CEMIP: variants seen among roughly 807,000 people sequenced by gnomAD.
The protein encoded by CEMIP is cell migration inducing hyaluronidase 1.
A neutral mutation model predicts 156.9 loss-of-function variants in CEMIP; 105 were observed. That is an observed-to-expected ratio of 0.67 (90% CI 0.57 to 0.79). CEMIP has a LOEUF of 0.79. Among genes scored for constraint, CEMIP ranks in the 30% least tolerant of loss-of-function variants. CEMIP has a pLI of 0.00. For missense variants in CEMIP, 1,457 were observed against 1,769.4 expected (o/e 0.82, Z 3.17); for synonymous variants, 676 against 668.4 (o/e 1.01, Z -0.17).
Position 80,920,141 on chromosome 15 carries a change from G to A in CEMIP, c.1845G>A (p.Thr615=), listed in dbSNP as rs146974700. The A allele has an allele frequency of 3.8e-5, 61 of 1,614,082 alleles. 1 individual carries two copies. The Admixed American group carries it at 5.2e-4, about 14-fold the overall frequency. Residue 615 remains threonine (T), a synonymous_variant, in exon 15 of 30, where the codon ACG becomes ACA. Transcript: ENST00000394685. The part of the protein sequence containing the change: ...GYNSLGHCFF[T]EDGPEERNTF... Reference sequence around the variant, plus strand: ...ACTCTTTGGGCCACTGCTTCTTCACGGAAGATGGGCCGGAGGAACGCAACA... The same window carrying A: ...ACTCTTTGGGCCACTGCTTCTTCACAGAAGATGGGCCGGAGGAACGCAACA...
Position 80,906,841 on chromosome 15 carries a change from ATGTGTC to A in CEMIP, c.1587+5_1587+10del, listed in dbSNP as rs1334576890. 6.2e-7 allele frequency: 1 copy of A among 1,611,012 alleles called. No homozygotes were observed. Among genetic ancestry groups the A allele is most frequent in the Non-Finnish European group, 8.5e-7 (1 of 1,178,394 alleles). Reference sequence around the variant, plus strand: ...ATACCTTTGGGGGCCACATCAAGGTATGTGTCTCTCTGGCAGAGTCTTTCAACCCAA... The same window carrying A: ...ATACCTTTGGGGGCCACATCAAGGTATCTCTGGCAGAGTCTTTCAACCCAA... On this transcript the variant is annotated splice_donor_5th_base_variant and intron_variant, in intron 13 of 29. Coordinates refer to ENST00000394685, the MANE Select transcript of CEMIP (RefSeq NM_001293298.2). This position sits in a 1 kb window ranked among gnomAD's most constrained non-coding sequence, Gnocchi z 4.3.
intron 1 of CEMIP, among the ~76,000 whole-genome samples, chr15:80,821,504 G>T (rs1486947018): frequency 6.6e-6 from 1 of 152,164 alleles, no homozygotes; most frequent in African/African-American, 2.4e-5. Flanking sequence ...CGGCAGGGAG[G>T]CTTTTTCCAT....
At chr15:80,900,650 CTG>C (rs1899479196) in intron 12 of CEMIP, among the ~76,000 whole-genome samples, 3 of 84,574 alleles carry the variant, frequency 3.5e-5, no homozygotes, top group Non-Finnish European at 5.1e-5. Context: ...GTGTGTGTGT[CTG>C]TGTGTGTGTC....
rs914340926 is a variant in CEMIP, at chr15:80,949,074, C to G, written c.*150C>G. On this transcript the variant is annotated 3_prime_UTR_variant, in exon 30 of 30. Coordinates refer to ENST00000394685, the MANE Select transcript of CEMIP (RefSeq NM_001293298.2). ...CCCTGATGGGCCAAGGGAAGGCTAT[C>G]AGAGACCCTGGTGCTGCCACCTGCC... is the stretch of plus-strand genomic sequence containing the variant. 8.0e-5 allele frequency: 85 copies of G among 1,059,996 alleles called. No individual in the cohort carries two copies. The highest frequency in any genetic ancestry group is 1.2e-4 in the Non-Finnish European group (81 of 697,146). The allele number at this position is 1,059,996 out of a possible 1,614,324, so 65.7% of individuals were successfully genotyped here.
intron 1 of CEMIP, among the ~76,000 whole-genome samples, chr15:80,791,570 G>A (rs1896082882): frequency 6.6e-6 from 1 of 152,098 alleles, no homozygotes; most frequent in Non-Finnish European, 1.5e-5. Context: ...GCAAGTAGAG[G>A]CTCCAAGCCC....
rs1901186404 is a variant in CEMIP at position 80,937,828 on chromosome 15, C to T, written c.3256C>T (p.Arg1086Ter). The change falls in exon 25 of 30, where the codon CGA (arginine) becomes TGA (stop). Residue 1086 changes from arginine (R) to a stop codon, truncating the protein, a stop_gained. Coordinates refer to ENST00000394685, the MANE Select transcript of CEMIP (RefSeq NM_001293298.2). LOFTEE classifies it high-confidence loss of function. The part of the protein sequence containing the change: ...DWIRVGLCYP[R>*]GTTFSILSDV... The stretch of plus-strand genomic sequence containing the variant: ...GATCCGAGTGGGGCTCTGCTACCCG[C>T]GAGGCACCACATTCTCCATCCTCTC... 1 of 1,614,226 alleles carries T rather than the reference C, an allele frequency of 6.2e-7. No individual in the cohort carries two copies. Among genetic ancestry groups the T allele is most frequent in the Non-Finnish European group, 8.5e-7 (1 of 1,180,044 alleles).
chr15:80,833,140 C>A (rs968606792), intron 1 of CEMIP, among the ~76,000 whole-genome samples: 3 of 152,124 alleles, frequency 2.0e-5, no homozygotes, highest in Non-Finnish European at 4.4e-5. Flanking sequence ...GGGAATTAGA[C>A]CCCACTTTTT....
chr15:80,891,226 A>G (rs982392060), intron 10 of CEMIP, among the ~76,000 whole-genome samples: 7 of 152,174 alleles, frequency 4.6e-5, no homozygotes, highest in African/African-American at 1.7e-4. Context: ...GGCTCCAGAC[A>G]CTGTTGATTG....
At chr15:80,887,050 A>G (rs1898868310) in intron 7 of CEMIP, among the ~76,000 whole-genome samples, 1 of 152,216 alleles carries the variant, frequency 6.6e-6, no homozygotes, top group Non-Finnish European at 1.5e-5. Context: ...TGCATTAGGC[A>G]TTACGCAAAA....
intron 19 of CEMIP, 93 bp from the exon 20 acceptor site, chr15:80,928,809 G>T (rs1424697423): frequency 9.3e-6 from 14 of 1,500,898 alleles, no homozygotes; most frequent in South Asian, 3.4e-5. Flanking sequence ...TATTCAGTTT[G>T]ACTCCAAGGG....
chr15:80,809,798 A>G (rs532343213), intron 1 of CEMIP, among the ~76,000 whole-genome samples: 15 of 152,206 alleles, frequency 9.9e-5, no homozygotes, highest in Non-Finnish European at 2.1e-4. Flanking sequence ...CTGTAAGCAC[A>G]CTGAGGCCAG....
intron 14 of CEMIP, among the ~76,000 whole-genome samples, chr15:80,913,666 G>A (rs1218701672): frequency 2.6e-5 from 4 of 152,206 alleles, no homozygotes; most frequent in Admixed American, 1.3e-4. Context: ...AAATAGTATT[G>A]CTTATTAAAT....
At chr15:80,820,340 A>G (rs1896881085) in intron 1 of CEMIP, among the ~76,000 whole-genome samples, 1 of 152,160 alleles carries the variant, frequency 6.6e-6, no homozygotes, top group Non-Finnish European at 1.5e-5. Flanking sequence ...AGAGCCCAGT[A>G]TTCCTTTGGC....
At chr15:80,794,617 T>C (rs1395715927) in intron 1 of CEMIP, among the ~76,000 whole-genome samples, 1 of 152,234 alleles carries the variant, frequency 6.6e-6, no homozygotes, top group Admixed American at 6.5e-5. Flanking sequence ...GTAGTCACTA[T>C]AAAAAGTAAT....
rs73486538 is a variant in CEMIP, at chr15:80,784,840, G to C, written c.-176+5226G>C. On this transcript the variant is annotated intron_variant, in intron 1 of 29. Coordinates refer to ENST00000394685, the MANE Select transcript of CEMIP (RefSeq NM_001293298.2). ...TGGTGCACAGAGCTGCCTTCAAGTC[G>C]TGGGGGCCTATGTCATTATGACATT... Among the ~76,000 whole-genome samples, 678 of 152,256 alleles carry C rather than the reference G, an allele frequency of 4.5e-3. 4 individuals carry two copies. Among genetic ancestry groups the C allele is most frequent in the African/African-American group, 0.015 (642 of 41,538 alleles).
intron 10 of CEMIP, among the ~76,000 whole-genome samples, chr15:80,891,727 A>G (rs764432054): frequency 6.8e-4 from 104 of 152,222 alleles, no homozygotes; most frequent in Non-Finnish European, 1.2e-3. Context: ...ACCGAAGAGA[A>G]GGTGTTGCCA....
At chr15:80,798,510 G>C (rs918918694) in intron 1 of CEMIP, among the ~76,000 whole-genome samples, 5 of 152,238 alleles carry the variant, frequency 3.3e-5, no homozygotes, top group African/African-American at 1.2e-4. Flanking sequence ...GTGTACAACA[G>C]TGTTATTTAC....
intron 21 of CEMIP, among the ~76,000 whole-genome samples, chr15:80,930,655 G>C (rs533128539): frequency 4.3e-4 from 65 of 152,232 alleles, no homozygotes; most frequent in African/African-American, 1.3e-3. Flanking sequence ...TAAAAATATA[G>C]AAATGCAAGG....
At position 80,931,855 on chromosome 15, in the gene CEMIP, G is replaced by A. The variant is rs746596338; in HGVS notation, c.2613-4G>A. 5.3e-5 allele frequency: 86 copies of A among 1,613,352 alleles called. No homozygotes were observed. The Middle Eastern group carries it at 9.9e-4, about 19-fold the overall frequency. On this transcript the variant is annotated splice_polypyrimidine_tract_variant and splice_region_variant and intron_variant, in intron 21 of 29. Transcript: ENST00000394685. ...ACTGACATCTTACTTCCTTAACTCC[G>A]TAGGAATTTTCCAATTAGAGGAATT... is the stretch of plus-strand genomic sequence containing the variant.
Sources: allele counts gnomAD v4.1 joint callset (sites outside exome capture counted in the v4.1 genomes callset), GRCh38; gene constraint gnomAD v4.1.1; non-coding constraint Gnocchi (gnomAD v3.1); transcripts MANE v1.5; gene names NCBI Gene and HGNC (gene_info 2026-07-23, HGNC 2026-07-21).